EGFR: variants seen among roughly 807,000 people sequenced by gnomAD.
EGFR encodes the protein avian erythroblastic leukemia viral (v-erb-b) oncogene homolog.
EGFR carries 58 observed loss-of-function variants against 143.0 expected under a neutral mutation model. The ratio of observed to expected loss-of-function variants is 0.41; its 90% confidence interval spans 0.33 to 0.50. The LOEUF (loss-of-function observed/expected upper bound fraction) is 0.50, where lower values mean the gene tolerates loss of function less well. Ranked by LOEUF, EGFR falls within the 20% of genes least tolerant of loss-of-function variation. The pLI, the probability that EGFR is intolerant of heterozygous loss-of-function variation, is 0.39. For synonymous variants in EGFR, 613 were observed against 594.4 expected, an observed-to-expected ratio of 1.03 and a Z score of -0.45; for missense variants, 1,307 against 1,579.0, an observed-to-expected ratio of 0.83 and a Z score of 2.92.
At chr7:55,058,019 C>CG (rs1788930589) in intron 1 of EGFR, among the ~76,000 whole-genome samples, 1 of 152,338 alleles carries the variant, frequency 6.6e-6, no homozygotes, top group Middle Eastern at 3.4e-3. Flanking sequence ...AATCATATCT[C>CG]AATTAAGATG....
intron 27 of EGFR, among the ~76,000 whole-genome samples, chr7:55,204,154 A>G (rs1347578424): frequency 6.7e-6 from 1 of 150,302 alleles, no homozygotes; most frequent in Non-Finnish European, 1.5e-5. Context: ...ACACACACCA[A>G]CTACACACAC....
intron 4 of EGFR, among the ~76,000 whole-genome samples, chr7:55,148,026 C>T (rs944006169): frequency 2.6e-5 from 4 of 152,196 alleles, no homozygotes; most frequent in Admixed American, 6.5e-5. Flanking sequence ...TTTGTCCATT[C>T]ACCTATCTAC....
chr7:55,032,763 T>A (rs1005024241), intron 1 of EGFR, among the ~76,000 whole-genome samples: 18 of 152,332 alleles, frequency 1.2e-4, no homozygotes, highest in Middle Eastern at 6.8e-3. Context: ...CCCTTTGTAT[T>A]TTTTTCTGGC....
intron 1 of EGFR, among the ~76,000 whole-genome samples, chr7:55,027,992 AT>A (rs1235659308): frequency 0.058 from 2,579 of 44,442 alleles, 81 homozygotes; most frequent in African/African-American, 0.11. Context: ...AAAAAAAAAA[AT>A]ATATATATAT....
intron 1 of EGFR, among the ~76,000 whole-genome samples, chr7:55,065,543 C>T (rs911594037): frequency 2.6e-5 from 4 of 152,272 alleles, no homozygotes; most frequent in African/African-American, 9.6e-5. Flanking sequence ...CAGCCAGTTT[C>T]CCATTTTCAA....
At chr7:55,055,085 C>A (rs552855166) in intron 1 of EGFR, among the ~76,000 whole-genome samples, 1 of 151,996 alleles carries the variant, frequency 6.6e-6, no homozygotes, top group African/African-American at 2.4e-5. Context: ...TTCATCCATC[C>A]TGTCTTTTGG....
At chr7:55,024,509 G>A (rs1424404582) in intron 1 of EGFR, among the ~76,000 whole-genome samples, 1 of 152,170 alleles carries the variant, frequency 6.6e-6, no homozygotes, top group Non-Finnish European at 1.5e-5. Context: ...TAATTTAGGG[G>A]ACAAGGCACC....
intron 19 of EGFR, among the ~76,000 whole-genome samples, chr7:55,176,852 A>G (rs935782670): frequency 6.8e-6 from 1 of 146,862 alleles, no homozygotes; most frequent in Non-Finnish European, 1.5e-5. Flanking sequence ...TTAGAGAGAT[A>G]TATATTTAGA....
At chr7:55,194,334 C>A (rs973228757) in intron 22 of EGFR, among the ~76,000 whole-genome samples, 46 of 151,276 alleles carry the variant, frequency 3.0e-4, no homozygotes, top group Middle Eastern at 3.4e-3. Context: ...TCAAGTGATT[C>A]TCCTGCCTCA....
chr7:55,098,932 A>T (rs1791639638), intron 1 of EGFR, among the ~76,000 whole-genome samples: 1 of 152,218 alleles, frequency 6.6e-6, no homozygotes, highest in African/African-American at 2.4e-5. Flanking sequence ...ATTTCGAAGC[A>T]GTGGGGAGTC....
In EGFR at chr7:55,210,347, C is replaced by T. The variant is rs1788209569; in HGVS notation, c.*4730C>T. The T allele has an allele frequency of 6.6e-6, 1 of 152,254 alleles. No homozygotes were observed. Among genetic ancestry groups the T allele is most frequent in the Non-Finnish European group, 1.5e-5 (1 of 68,076 alleles). 9.4% of individuals were successfully genotyped at this position (152,254 alleles called of 1,614,324 possible). A position where few individuals can be genotyped will look rare whatever the true frequency, so the allele number is the denominator to read the frequency against. The stretch of plus-strand genomic sequence containing the variant: ...TAGTTCACCAACAGTCTTACCAAGC[C>T]TGGGCCCAGCCACCCTAGAGAAGTT... On this transcript the variant is annotated 3_prime_UTR_variant, in exon 28 of 28. Transcript: ENST00000275493.
chr7:55,156,395 G>A lies in EGFR; in HGVS notation c.1007-138G>A, dbSNP rs531486118. The A allele has an allele frequency of 4.7e-5, 59 of 1,256,962 alleles. 1 individual carries two copies. The East Asian group carries it at 1.3e-3, about 29-fold the overall frequency. 77.9% of individuals were successfully genotyped at this position (1,256,962 alleles called of 1,614,324 possible). A position where few individuals can be genotyped will look rare whatever the true frequency, so the allele number is the denominator to read the frequency against. On this transcript the variant is annotated intron_variant, in intron 8 of 27. Transcript: ENST00000275493. ...ACTCTCCCCAGCCCCTTCAGTGTTT[G>A]TTGAGTGAATGAAGGATGATGTGGC...
chr7:55,147,877 T>C (rs1794850957), intron 4 of EGFR, among the ~76,000 whole-genome samples: 2 of 152,240 alleles, frequency 1.3e-5, no homozygotes, highest in South Asian at 4.1e-4. Context: ...TGGAATCATG[T>C]AGTATCTGTC....
chr7:55,156,080 A>G (rs1215619274), intron 8 of EGFR, 134 bp downstream of exon 8: 3 of 758,910 alleles, frequency 4.0e-6, no homozygotes, highest in African/African-American at 1.7e-5. Flanking sequence ...TTAAAACAGA[A>G]GATAAAGCTG....
At chr7:55,143,212 C>G (rs1794564670) in intron 2 of EGFR, 93 bp from the exon 3 acceptor site, 1 of 1,370,012 alleles carries the variant, frequency 7.3e-7, no homozygotes. Flanking sequence ...TAGGGTTCAA[C>G]TGGGCGTCCT....
intron 1 of EGFR, among the ~76,000 whole-genome samples, chr7:55,136,009 G>A (rs1051670941): frequency 2.6e-5 from 4 of 152,052 alleles, no homozygotes; most frequent in Non-Finnish European, 5.9e-5. Flanking sequence ...AAAACACCCA[G>A]AAATTTACCA....
chr7:55,172,785 C>T, intron 16 of EGFR, 198 bp from the exon 17 acceptor site: 1 of 1,489,662 alleles, frequency 6.7e-7, no homozygotes. Flanking sequence ...TGGTAGGGGA[C>T]TGGGGAGAGC....
intron 1 of EGFR, among the ~76,000 whole-genome samples, chr7:55,027,848 CTG>C (rs1000479407): frequency 1.7e-4 from 26 of 151,962 alleles, no homozygotes; most frequent in Admixed American, 7.9e-4. Flanking sequence ...TTCTGATCCA[CTG>C]TTGAAAGCTG....
chr7:55,065,954 G>A (rs1789474549), intron 1 of EGFR, among the ~76,000 whole-genome samples: 1 of 150,316 alleles, frequency 6.7e-6, no homozygotes, highest in Non-Finnish European at 1.5e-5. Context: ...AAGGCCTCCT[G>A]AAGCCTGGCC....
Sources: gnomAD v4.1 joint callset for allele counts (sites outside exome capture counted in the v4.1 genomes callset) on GRCh38, gnomAD v4.1.1 for gene constraint, MANE v1.5 for transcripts, NCBI Gene and HGNC (gene_info 2026-07-23, HGNC 2026-07-21) for gene names.